OXNAD1: variants seen among roughly 807,000 people sequenced by gnomAD.
OXNAD1 encodes the protein oxidoreductase NAD-binding domain-containing protein 1.
OXNAD1 carries 34 observed loss-of-function variants against 32.9 expected under a neutral mutation model. The observed-to-expected ratio is 1.03, with a 90% CI of 0.79 to 1.38. OXNAD1 has a LOEUF of 1.38. Among genes scored for constraint, OXNAD1 ranks in the 40% most tolerant of loss-of-function variants. The probability of loss-of-function intolerance (pLI) is 0.00; values close to 1 mark genes in which losing one functional copy is unlikely to be tolerated. For synonymous variants in OXNAD1, 134 were observed against 135.2 expected, an observed-to-expected ratio of 0.99 and a Z score of 0.06; for missense variants, 407 against 379.4, an observed-to-expected ratio of 1.07 and a Z score of -0.60.
rs1432133332 is a variant in OXNAD1, at chr3:16,346,285, C to T, written c.*31-2891C>T. 6.6e-6 allele frequency: 1 copy of T among 152,174 alleles called. No individual in the cohort carries two copies. Among genetic ancestry groups the T allele is most frequent in the African/African-American group, 2.4e-5 (1 of 41,428 alleles). 9.4% of individuals were successfully genotyped at this position (152,174 alleles called of 1,614,324 possible). On this transcript the variant is annotated intron_variant, in intron 9 of 9. Transcript: ENST00000606098. The surrounding 1 kb of genome is among the most constrained non-coding windows in gnomAD (Gnocchi z 4.4). ...CACAGTGGCTGACACACAGTAGGAA[C>T]TCAATATTTATTTGTTGGATAAATT...
At position 16,334,495 on chromosome 3, in the gene OXNAD1, A is replaced by T. The variant is rs142030808; in HGVS notation, c.*31-2617A>T. On this transcript the variant is annotated intron_variant, in intron 9 of 9. Transcript: ENST00000435829. This position sits in a 1 kb window ranked among gnomAD's most constrained non-coding sequence, Gnocchi z 4.3. The stretch of plus-strand genomic sequence containing the variant: ...CTGCAGTAGCAAGACACTGGAAACT[A>T]CTCAAGTGCCCATCAGTGCTGGATT... Among the ~76,000 whole-genome samples the T allele has an allele frequency of 1.3e-3, 202 of 152,316 alleles. No homozygotes were observed. The highest frequency in any genetic ancestry group is 4.7e-3 in the African/African-American group (195 of 41,564).
chr3:16,312,146 G>A lies in OXNAD1; in HGVS notation c.*30+8554G>A, dbSNP rs138839164. ...ACGATTGTTATCAACAGGAACCTGT[G>A]GTGAACATCACTTTGCTTCCTTCTC... On this transcript the variant is annotated intron_variant, in intron 9 of 9. Transcript: ENST00000435829. This position sits in a 1 kb window ranked among gnomAD's most constrained non-coding sequence, Gnocchi z 4.7. Among the ~76,000 whole-genome samples, 1 of 152,290 alleles carries A rather than the reference G, an allele frequency of 6.6e-6. No homozygotes were observed. The highest frequency in any genetic ancestry group is 2.4e-5 in the African/African-American group (1 of 41,558).
chr3:16,333,339 A>G (rs925919985), intron 9 of OXNAD1, among the ~76,000 whole-genome samples: 2 of 152,234 alleles, frequency 1.3e-5, no homozygotes, highest in African/African-American at 2.4e-5. Context: ...AGGCAACTCA[A>G]AATTTTTGCT....
chr3:16,349,769 G>A (rs2071968296), exon 10 of OXNAD1: 1 of 152,248 alleles, frequency 6.6e-6, no homozygotes, highest in African/African-American at 2.4e-5. Flanking sequence ...CTGAGAAAGA[G>A]AATCAGTAGG....
chr3:16,310,559 C>G (rs2067897862), downstream of OXNAD1, among the ~76,000 whole-genome samples: 1 of 152,154 alleles, frequency 6.6e-6, no homozygotes, highest in African/African-American at 2.4e-5. Context: ...AACATGGGAT[C>G]ATGTTTTAAA....
chr3:16,275,400 T>C (rs559111537), intron 4 of OXNAD1: 3 of 152,274 alleles, frequency 2.0e-5, no homozygotes, highest in Non-Finnish European at 2.9e-5. Context: ...CAAGACCCAG[T>C]CTCTGCAAAA....
intron 9 of OXNAD1, chr3:16,326,887 A>G (rs1438901098): frequency 6.2e-7 from 1 of 1,609,818 alleles, no homozygotes. Flanking sequence ...CTGGGGGAAC[A>G]AGGCCAGCAT....
rs1456713651 is a variant in OXNAD1, at chr3:16,299,959, G to C, written c.433-1667G>C. ...TTCCACCCACTGTGAGTCAGTTCAT[G>C]TTCACACCAACCCTGTGAGGTGGGC... On this transcript the variant is annotated intron_variant, in intron 6 of 8. Transcript: ENST00000285083. This position sits in a 1 kb window ranked among gnomAD's most constrained non-coding sequence, Gnocchi z 4.4. Among the ~76,000 whole-genome samples, 1 of 152,192 alleles carries C rather than the reference G, an allele frequency of 6.6e-6. No homozygotes were observed. The highest frequency in any genetic ancestry group is 2.4e-5 in the African/African-American group (1 of 41,460).
At chr3:16,273,381 CTTG>C (rs2065090155) in intron 4 of OXNAD1, among the ~76,000 whole-genome samples, 1 of 106,962 alleles carries the variant, frequency 9.3e-6, no homozygotes, top group Admixed American at 1.1e-4. Flanking sequence ...ATAGTATTTT[CTTG>C]TTTTTTTTTT....
chr3:16,301,506 C>A lies in OXNAD1; in HGVS notation c.433-120C>A, dbSNP rs2067179165. ...GGGCATCGGGAAAATTGGGAGCAAG[C>A]TATAAAAATAGTCTTAAATACTGAT... On this transcript the variant is annotated intron_variant, in intron 6 of 8. Coordinates refer to ENST00000285083, the MANE Select transcript of OXNAD1 (RefSeq NM_138381.5). The surrounding 1 kb of genome is among the most constrained non-coding windows in gnomAD (Gnocchi z 4.1). The A allele has an allele frequency of 8.2e-7, 1 of 1,213,390 alleles. No homozygotes were observed. The highest frequency in any genetic ancestry group is 1.6e-5 in the South Asian group (1 of 64,206). 75.2% of individuals were successfully genotyped at this position (1,213,390 alleles called of 1,614,324 possible). A position where few individuals can be genotyped will look rare whatever the true frequency, so the allele number is the denominator to read the frequency against.
In OXNAD1 at chr3:16,317,013, C is replaced by T. The variant is rs1163189734; in HGVS notation, c.*30+13421C>T. ...AGCAGGCCACCAGGGGACAGCTGTT[C>T]TCCCTTGTCCTCTTGGACAGGGCCC... On this transcript the variant is annotated intron_variant, in intron 9 of 9. Coordinates refer to the OXNAD1 transcript ENST00000435829. This position sits in a 1 kb window ranked among gnomAD's most constrained non-coding sequence, Gnocchi z 4.3. The T allele has an allele frequency of 1.2e-6, 2 of 1,613,676 alleles. No homozygotes were observed. The highest frequency in any genetic ancestry group is 1.7e-6 in the Non-Finnish European group (2 of 1,179,960).
At chr3:16,278,936 A>G (rs1485864120) in intron 4 of OXNAD1, among the ~76,000 whole-genome samples, 1 of 152,198 alleles carries the variant, frequency 6.6e-6, no homozygotes, top group Non-Finnish European at 1.5e-5. Context: ...CTATGTCCCA[A>G]GGCTAACTTT....
Position 16,283,133 on chromosome 3 carries a change from CTG to C in OXNAD1, c.184-3205_184-3204del, listed in dbSNP as rs1177297387. Among the ~76,000 whole-genome samples, 3 of 152,210 alleles carry C rather than the reference CTG, an allele frequency of 2.0e-5. No homozygotes were observed. The East Asian group carries it at 5.8e-4, about 29-fold the overall frequency. Reference sequence around the variant, plus strand: ...GAATATCAACTGAAAATGTAATTGACTGTGTTGAGTCCAAGATGCATCCATAA... The same window carrying C: ...GAATATCAACTGAAAATGTAATTGACTGTTGAGTCCAAGATGCATCCATAA... On this transcript the variant is annotated intron_variant, in intron 4 of 8. Coordinates refer to ENST00000285083, the MANE Select transcript of OXNAD1 (RefSeq NM_138381.5).
chr3:16,326,371 A>G (rs569564756), intron 9 of OXNAD1, among the ~76,000 whole-genome samples: 2 of 152,340 alleles, frequency 1.3e-5, no homozygotes, highest in East Asian at 3.9e-4. Context: ...TTTAATAATA[A>G]TACAATTCTA....
rs1203168089 is a variant in OXNAD1 at position 16,348,949 on chromosome 3, C to G, written c.*31-227C>G. 2.0e-5 allele frequency among the ~76,000 whole-genome samples: 3 copies of G among 152,192 alleles called. No individual in the cohort carries two copies. Among genetic ancestry groups the G allele is most frequent in the African/African-American group, 4.8e-5 (2 of 41,430 alleles). Reference sequence around the variant, plus strand: ...CCAAGGAGGAGGCAGAGGGAAAATTCTGGCTAAAAGAGGTAAAAGAGGGAC... The same window carrying G: ...CCAAGGAGGAGGCAGAGGGAAAATTGTGGCTAAAAGAGGTAAAAGAGGGAC... On this transcript the variant is annotated intron_variant, in intron 9 of 9. Transcript: ENST00000606098. This position sits in a 1 kb window ranked among gnomAD's most constrained non-coding sequence, Gnocchi z 6.3.
At chr3:16,278,133 C>T (rs2065477578) in intron 4 of OXNAD1, among the ~76,000 whole-genome samples, 1 of 151,790 alleles carries the variant, frequency 6.6e-6, no homozygotes, top group Admixed American at 6.6e-5. Context: ...TTCATTTGTT[C>T]ATTTGGAAAT....
At position 16,344,879 on chromosome 3, in the gene OXNAD1, C is replaced by T. The variant is rs2071537658; in HGVS notation, c.*31-4297C>T. Among the ~76,000 whole-genome samples, 1 of 152,208 alleles carries T rather than the reference C, an allele frequency of 6.6e-6. No individual in the cohort carries two copies. The highest frequency in any genetic ancestry group is 2.4e-5 in the African/African-American group (1 of 41,442). On this transcript the variant is annotated intron_variant, in intron 9 of 9. Coordinates refer to the OXNAD1 transcript ENST00000606098. This position sits in a 1 kb window ranked among gnomAD's most constrained non-coding sequence, Gnocchi z 4.4. ...AACACATAACTACAAGAACACCCCC[C>T]AACCTTTTATGCTCACTGATTTAAT...
intron 4 of OXNAD1, among the ~76,000 whole-genome samples, chr3:16,278,482 C>G (rs888241021): frequency 6.6e-6 from 1 of 152,202 alleles, no homozygotes; most frequent in Non-Finnish European, 1.5e-5. Context: ...GGTAGGATGA[C>G]CCTGCTTCCT....
downstream of OXNAD1, among the ~76,000 whole-genome samples, chr3:16,307,742 TGTTTTGAA>T (rs2067663767): frequency 9.5e-5 from 2 of 21,132 alleles, no homozygotes; most frequent in African/African-American, 1.3e-3. Context: ...TTAAACTTTT[TGTTTTGAA>T]GTAATTTTAG....
Sources: gnomAD v4.1 joint callset for allele counts (sites outside exome capture counted in the v4.1 genomes callset) on GRCh38, gnomAD v4.1.1 for gene constraint, Gnocchi (gnomAD v3.1) non-coding constraint, MANE v1.5 for transcripts, NCBI Gene and HGNC (gene_info 2026-07-23, HGNC 2026-07-21) for gene names.